The following PTPRD variants were observed in gnomAD, a reference collection of about 807,000 sequenced individuals.
The protein encoded by PTPRD is protein tyrosine phosphatase receptor type D.
Under a neutral mutation model 214.5 loss-of-function variants are expected in PTPRD, and 34 were observed. The ratio of observed to expected loss-of-function variants is 0.16; its 90% CI spans 0.12 to 0.21. The LOEUF (loss-of-function observed/expected upper bound fraction) is 0.21. PTPRD is among the 10% of genes least tolerant of loss of function. The probability of loss-of-function intolerance (pLI) is 1.00; values close to 1 mark genes in which losing one functional copy is unlikely to be tolerated. For missense variants in PTPRD, 2,545 were observed against 2,398.7 expected, an observed-to-expected ratio of 1.06 and a Z score of -1.27; for synonymous variants, 1,128 against 845.7, an observed-to-expected ratio of 1.33 and a Z score of -5.79.
chr9:8,568,909 T>C (rs1472457345), intron 14 of PTPRD, among the ~76,000 whole-genome samples: 1 of 151,762 alleles, frequency 6.6e-6, no homozygotes, highest in Non-Finnish European at 1.5e-5. Flanking sequence ...TTGTGTGTCA[T>C]TAGCACAAAT....
chr9:9,341,327 T>C (rs999438286), intron 9 of PTPRD, among the ~76,000 whole-genome samples: 3 of 151,980 alleles, frequency 2.0e-5, no homozygotes, highest in African/African-American at 7.3e-5. Context: ...CTGAAAGAAA[T>C]CCTTTGTTAG....
At chr9:8,803,500 G>A (rs770411537) in intron 11 of PTPRD, among the ~76,000 whole-genome samples, 1 of 152,116 alleles carries the variant, frequency 6.6e-6, no homozygotes, top group East Asian at 1.9e-4. Context: ...TAACCTTTGA[G>A]TTCTTTACAC....
chr9:9,302,390 T>G (rs1955642865), intron 9 of PTPRD, among the ~76,000 whole-genome samples: 1 of 151,848 alleles, frequency 6.6e-6, no homozygotes, highest in Non-Finnish European at 1.5e-5. Context: ...TAATAATTAT[T>G]TTATTTTTAC....
chr9:10,556,371 T>G (rs1041579284), intron 2 of PTPRD, among the ~76,000 whole-genome samples: 1 of 152,002 alleles, frequency 6.6e-6, no homozygotes, highest in African/African-American at 2.4e-5. Context: ...TAAACCTGGT[T>G]ACAAATGGGG....
chr9:9,443,242 C>CATAAATAA (rs56225256), intron 8 of PTPRD, among the ~76,000 whole-genome samples: 8 of 151,670 alleles, frequency 5.3e-5, no homozygotes, highest in East Asian at 1.9e-4. Context: ...AATCATATGG[C>CATAAATAA]ATAAATAAAT....
At position 9,822,516 on chromosome 9, in the gene PTPRD, CATAAT is replaced by C. The variant is rs1327077133; in HGVS notation, c.-367-55670_-367-55666del. On this transcript the variant is annotated intron_variant, in intron 5 of 45. Transcript: ENST00000381196. Reference sequence around the variant, plus strand: ...ACATATAATATATATGTAATATATACATAATATATTATATATAGTTAAAATAACCA... The same window carrying C: ...ACATATAATATATATGTAATATATACATATTATATATAGTTAAAATAACCA... 6.8e-5 allele frequency among the ~76,000 whole-genome samples: 10 copies of C among 147,510 alleles called. No homozygotes were observed. In the East Asian group the frequency reaches 9.8e-4, roughly 14 times the overall value.
chr9:9,777,352 CA>C lies in PTPRD; in HGVS notation c.-367-10502del, dbSNP rs1218476696. On this transcript the variant is annotated intron_variant, in intron 5 of 45. Coordinates refer to ENST00000381196, the MANE Select transcript of PTPRD (RefSeq NM_002839.4). ...ACACACACACACACACACACACACACACCCCTAAATGTTTACGTGTCAAAAA... is the reference window on the plus strand; with the variant it reads ...ACACACACACACACACACACACACACCCCCTAAATGTTTACGTGTCAAAAA... 2.0e-3 allele frequency among the ~76,000 whole-genome samples: 296 copies of C among 148,168 alleles called. 2 individuals are homozygous for C. Among genetic ancestry groups the C allele is most frequent in the African/African-American group, 5.0e-3 (207 of 41,152 alleles).
intron 7 of PTPRD, among the ~76,000 whole-genome samples, chr9:9,660,737 C>A (rs1048047208): frequency 5.9e-5 from 9 of 151,932 alleles, no homozygotes; most frequent in African/African-American, 2.2e-4. Flanking sequence ...AAAGTGATTT[C>A]TAGTGATTTC....
chr9:10,280,649 G>T (rs2095049793), intron 3 of PTPRD, among the ~76,000 whole-genome samples: 1 of 152,074 alleles, frequency 6.6e-6, no homozygotes, highest in Non-Finnish European at 1.5e-5. Context: ...TGTCACATAG[G>T]CTGGAGTGCT....
At chr9:9,488,690 A>G (rs1481296676) in intron 8 of PTPRD, among the ~76,000 whole-genome samples, 3 of 152,186 alleles carry the variant, frequency 2.0e-5, no homozygotes, top group Non-Finnish European at 4.4e-5. Flanking sequence ...TCTGATGTAA[A>G]CATTTTGGAA....
chr9:9,149,192 T>C (rs191772423), intron 10 of PTPRD, among the ~76,000 whole-genome samples: 1 of 152,154 alleles, frequency 6.6e-6, no homozygotes, highest in Non-Finnish European at 1.5e-5. Flanking sequence ...ATCTATCAGA[T>C]AAAGAATAAT....
chr9:8,460,491 T>C lies in PTPRD; in HGVS notation c.3795A>G (p.Glu1265=), dbSNP rs1248084712. The change falls in exon 33 of 46, where the codon GAA becomes GAG. Residue 1265 remains glutamate (E), a synonymous_variant. Transcript: ENST00000381196. ...LDPQPITDEE[E]GLIWVVGPVL... The stretch of plus-strand genomic sequence containing the variant: ...CAGGACCTACAACCCAGATCAAGCC[T>C]TCTTCTTCATCCGTGATTGGCTGCG... 6.2e-7 allele frequency: 1 copy of C among 1,613,454 alleles called. No homozygotes were observed. The highest frequency in any genetic ancestry group is 8.5e-7 in the Non-Finnish European group (1 of 1,179,670).
At chr9:8,880,814 T>G (rs757828520) in intron 11 of PTPRD, among the ~76,000 whole-genome samples, 10 of 152,246 alleles carry the variant, frequency 6.6e-5, no homozygotes, top group Non-Finnish European at 2.9e-5. Context: ...AGACAGTGTC[T>G]GACTCTGTCA....
intron 8 of PTPRD, among the ~76,000 whole-genome samples, chr9:9,566,144 A>T (rs1367108602): frequency 6.6e-6 from 1 of 151,834 alleles, no homozygotes; most frequent in Non-Finnish European, 1.5e-5. Context: ...CTTTTCCAGT[A>T]CTTATTAAAA....
chr9:9,385,104 T>G (rs1379774173), intron 9 of PTPRD, among the ~76,000 whole-genome samples: 1 of 152,104 alleles, frequency 6.6e-6, no homozygotes, highest in East Asian at 1.9e-4. Context: ...TCCAACATAA[T>G]GCCAGGATGT....
intron 7 of PTPRD, among the ~76,000 whole-genome samples, chr9:9,643,437 T>A (rs991251702): frequency 2.1e-4 from 32 of 152,276 alleles, no homozygotes; most frequent in African/African-American, 7.5e-4. Context: ...AACAGCTTTT[T>A]CATCTGCACC....
At chr9:10,255,205 T>A (rs1304406413) in intron 3 of PTPRD, among the ~76,000 whole-genome samples, 2 of 152,202 alleles carry the variant, frequency 1.3e-5, no homozygotes, top group African/African-American at 4.8e-5. Flanking sequence ...AGGAGGGGGA[T>A]ACATTCTGAG....
At chr9:10,261,026 A>G (rs1389363913) in intron 3 of PTPRD, among the ~76,000 whole-genome samples, 3,850 of 116,246 alleles carry the variant, frequency 0.033, 166 homozygotes, top group African/African-American at 0.1. Context: ...GTGTGTATAT[A>G]TATTATATAT....
chr9:10,170,932 C>T (rs2099199978), intron 3 of PTPRD, among the ~76,000 whole-genome samples: 1 of 152,072 alleles, frequency 6.6e-6, no homozygotes, highest in Non-Finnish European at 1.5e-5. Flanking sequence ...TACTCTTCTC[C>T]ACCCGGTATA....
Sources: allele counts gnomAD v4.1 joint callset (sites outside exome capture counted in the v4.1 genomes callset), GRCh38; gene constraint gnomAD v4.1.1; transcripts MANE v1.5; gene names NCBI Gene and HGNC (gene_info 2026-07-23, HGNC 2026-07-21).